Variants in ENPP2 observed in about 807,000 individuals in gnomAD.
ENPP2 encodes the protein autotaxin.
A neutral mutation model predicts 120.2 loss-of-function variants in ENPP2; 51 were observed. The ratio of observed to expected loss-of-function variants is 0.42; its 90% confidence interval spans 0.34 to 0.54. The LOEUF (loss-of-function observed/expected upper bound fraction) is 0.54. Ranked by LOEUF, ENPP2 falls within the 20% of genes least tolerant of loss-of-function variation. The probability of loss-of-function intolerance (pLI) is 0.04; values close to 1 mark genes in which losing one functional copy is unlikely to be tolerated. For missense variants in ENPP2, 920 were observed against 1,066.5 expected, an observed-to-expected ratio of 0.86 and a Z score of 1.91; for synonymous variants, 365 against 366.4, an observed-to-expected ratio of 1.00 and a Z score of 0.04.
intron 13 of ENPP2, among the ~76,000 whole-genome samples, chr8:119,589,835 G>T (rs981864913): frequency 3.3e-5 from 5 of 152,074 alleles, no homozygotes; most frequent in African/African-American, 1.2e-4. Context: ...CTTCTCAAAA[G>T]CTAGGTAGAC....
chr8:119,561,165 T>C (rs574434695), intron 24 of ENPP2, among the ~76,000 whole-genome samples: 3 of 152,270 alleles, frequency 2.0e-5, no homozygotes, highest in Non-Finnish European at 4.4e-5. Flanking sequence ...TTAAACTTTC[T>C]AATTTTCTTC....
rs777043414 is a variant in ENPP2, at chr8:119,580,174, G to A, written c.1729-7C>T. On this transcript the variant is annotated splice_region_variant and splice_polypyrimidine_tract_variant and intron_variant, in intron 18 of 24. Transcript: ENST00000075322. The stretch of plus-strand genomic sequence containing the variant: ...TGAGTTCATCCAACTTGTTCTTCAT[G>A]TGTGAAAACCAGTAAAGGAAAAAAG... 3.7e-5 allele frequency: 59 copies of A among 1,610,176 alleles called. No homozygotes were observed. The highest frequency in any genetic ancestry group is 4.8e-5 in the Non-Finnish European group (57 of 1,176,544).
At chr8:119,597,041 C>A (rs563232905) in intron 11 of ENPP2, among the ~76,000 whole-genome samples, 83 of 151,524 alleles carry the variant, frequency 5.5e-4, no homozygotes, top group African/African-American at 2.0e-3. Context: ...CAGGAAGGGG[C>A]GGGAGGAGGA....
chr8:119,645,236 T>C (rs930664097), intron 1 of ENPP2, among the ~76,000 whole-genome samples: 1 of 152,190 alleles, frequency 6.6e-6, no homozygotes, highest in Non-Finnish European at 1.5e-5. Flanking sequence ...GTGATGCCTC[T>C]CTACTACACC....
At chr8:119,566,273 G>C (rs1432571759) in intron 22 of ENPP2, among the ~76,000 whole-genome samples, 1 of 152,208 alleles carries the variant, frequency 6.6e-6, no homozygotes, top group African/African-American at 2.4e-5. Flanking sequence ...AGACAGGATA[G>C]GCAAGCAATG....
intron 24 of ENPP2, among the ~76,000 whole-genome samples, 192 bp downstream of exon 24, chr8:119,562,665 T>C (rs1010731935): frequency 6.6e-6 from 1 of 152,214 alleles, no homozygotes; most frequent in African/African-American, 2.4e-5. Flanking sequence ...CACACATATA[T>C]TGAAAAATAA....
chr8:119,663,202 G>A (rs1274767158), intron 1 of ENPP2, among the ~76,000 whole-genome samples: 4 of 151,748 alleles, frequency 2.6e-5, no homozygotes, highest in Non-Finnish European at 5.9e-5. Context: ...CACGAGATGA[G>A]CAGTGCTTTT....
chr8:119,627,865 A>AATATATATATAT (rs59289320), intron 2 of ENPP2, among the ~76,000 whole-genome samples: 12 of 143,554 alleles, frequency 8.4e-5, no homozygotes, highest in African/African-American at 3.1e-4. Context: ...CCGTCTTAAA[A>AATATATATATAT]ATATATATAT....
Position 119,564,942 on chromosome 8 carries a change from A to G in ENPP2, c.2145T>C (p.Tyr715=), listed in dbSNP as rs781395505. Residue 715 remains tyrosine (Y), a synonymous_variant, in exon 23 of 25, where the codon TAT becomes TAC. Transcript: ENST00000075322. Reference sequence around the variant, plus strand: ...ATTTCTTCACCAATACCCTTTGGAAATAATTCCAGACCCCTGTGCAAAGAC... The same window carrying G: ...ATTTCTTCACCAATACCCTTTGGAAGTAATTCCAGACCCCTGTGCAAAGAC... ...MYPAFKRVWN[Y]FQRVLVKKYA... 4.3e-6 allele frequency: 7 copies of G among 1,613,370 alleles called. No individual in the cohort carries two copies. The South Asian group carries it at 5.5e-5, about 13-fold the overall frequency.
chr8:119,617,444 A>G, intron 6 of ENPP2, 22 bp downstream of exon 6: 2 of 1,508,742 alleles, frequency 1.3e-6, no homozygotes, highest in Non-Finnish European at 1.8e-6. Context: ...AGATAAGAAC[A>G]CAGAGTATGG....
chr8:119,564,304 C>A (rs953484554), intron 23 of ENPP2, among the ~76,000 whole-genome samples: 1 of 151,874 alleles, frequency 6.6e-6, no homozygotes, highest in African/African-American at 2.4e-5. Flanking sequence ...ACATTTTTTT[C>A]ATAGAATAAA....
In ENPP2 at chr8:119,621,516, C is replaced by T. The variant is rs151027614; in HGVS notation, c.296G>A (p.Arg99His). 3.7e-5 allele frequency: 59 copies of T among 1,612,778 alleles called. No homozygotes were observed. The highest frequency in any genetic ancestry group is 3.2e-4 in the African/African-American group (24 of 74,872). The stretch of plus-strand genomic sequence containing the variant: ...TCTGTCCTTAGTACACTCCCAGCCA[C>T]GGGCTAAAATCATCCCAATAAAACA... Reference protein sequence around the residue: ...DFDELCLKTARGWECTKDRCG... With the variant: ...DFDELCLKTAHGWECTKDRCG... The change falls in exon 4 of 25, where the codon CGT (arginine) becomes CAT (histidine). Residue 99 changes from arginine (R) to histidine (H), a missense_variant. Transcript: ENST00000075322.
intron 9 of ENPP2, among the ~76,000 whole-genome samples, chr8:119,605,422 T>C (rs1348748870): frequency 1.9e-5 from 2 of 107,952 alleles, no homozygotes; most frequent in African/African-American, 7.6e-5. Flanking sequence ...ATGATGAAGA[T>C]ACCATATATG....
intron 8 of ENPP2, among the ~76,000 whole-genome samples, chr8:119,610,556 C>G (rs1003680243): frequency 6.6e-6 from 1 of 151,158 alleles, no homozygotes; most frequent in African/African-American, 2.4e-5. Flanking sequence ...ATATAAGTGT[C>G]AAAGTTTCTC....
intron 2 of ENPP2, among the ~76,000 whole-genome samples, chr8:119,629,078 A>C (rs527720334): frequency 6.6e-6 from 1 of 152,206 alleles, no homozygotes; most frequent in African/African-American, 2.4e-5. Flanking sequence ...ATATTTATGT[A>C]CAAAATATAT....
intron 3 of ENPP2, among the ~76,000 whole-genome samples, chr8:119,624,016 C>T (rs1167116988): frequency 6.6e-6 from 1 of 152,148 alleles, no homozygotes; most frequent in East Asian, 1.9e-4. Flanking sequence ...CTGCTCTTCC[C>T]AATGATGAGC....
At chr8:119,625,285 G>C (rs1020264163) in intron 3 of ENPP2, among the ~76,000 whole-genome samples, 23 of 152,200 alleles carry the variant, frequency 1.5e-4, no homozygotes, top group Non-Finnish European at 5.9e-5. Flanking sequence ...TTAGTTTGCA[G>C]ATCCACAATT....
chr8:119,618,394 CTGTT>C (rs1815628420), intron 5 of ENPP2: 4 of 463,878 alleles, frequency 8.6e-6, no homozygotes, highest in Non-Finnish European at 1.7e-5. Flanking sequence ...ACCCAGCCAC[CTGTT>C]TGCCTCCCTT....
chr8:119,638,580 A>T, intron 1 of ENPP2, 53 bp from the exon 2 acceptor site: 1 of 1,158,524 alleles, frequency 8.6e-7, no homozygotes, highest in Non-Finnish European at 1.3e-6. Context: ...AGACTAAATC[A>T]AATTACACAA....
Sources: gnomAD v4.1 joint callset for allele counts (sites outside exome capture counted in the v4.1 genomes callset) on GRCh38, gnomAD v4.1.1 for gene constraint, MANE v1.5 for transcripts, NCBI Gene and HGNC (gene_info 2026-07-23, HGNC 2026-07-21) for gene names.